OR6C75: variants seen among roughly 807,000 people sequenced by gnomAD.
The protein encoded by OR6C75 is olfactory receptor family 6 subfamily C member 75.
For synonymous variants in OR6C75, 149 were observed against 130.6 expected (o/e 1.14, Z -0.96); for missense variants, 380 against 368.0 (o/e 1.03, Z -0.27).
At position 55,366,104 on chromosome 12, in the gene OR6C75, T is replaced by C. The variant is rs1041449641; in HGVS notation, c.*55T>C. The C allele has an allele frequency of 1.1e-5, 11 of 1,003,664 alleles. No homozygotes were observed. The highest frequency in any genetic ancestry group is 2.9e-6 in the Non-Finnish European group (2 of 684,098). The allele number at this position is 1,003,664 out of a possible 1,614,324, so 62.2% of individuals were successfully genotyped here. ...AGGCAAAGCTGAATGAAAAACTCTCTACCCTTCTCTACATGAACTCTTTCT... is the reference window on the plus strand; with the variant it reads ...AGGCAAAGCTGAATGAAAAACTCTCCACCCTTCTCTACATGAACTCTTTCT... On this transcript the variant is annotated 3_prime_UTR_variant, in exon 3 of 3. Transcript: ENST00000641576.
chr12:55,364,856 T>C lies in OR6C75; in HGVS notation c.-235-20T>C, dbSNP rs1353800785. On this transcript the variant is annotated intron_variant, in intron 2 of 2. Transcript: ENST00000641576. ...TTAAACCCTTTGAAGATATTGAATA[T>C]ATATATATGTATTAAATAGATAGAT... is the stretch of plus-strand genomic sequence containing the variant. 3 of 376,128 alleles carry C rather than the reference T, an allele frequency of 8.0e-6. No homozygotes were observed. The highest frequency in any genetic ancestry group is 8.4e-5 in the Admixed American group (2 of 23,794). 23.3% of individuals were successfully genotyped at this position (376,128 alleles called of 1,614,324 possible).
In OR6C75 at chr12:55,365,173, G is replaced by A; in HGVS notation, c.63G>A (p.Trp21Ter). 1 of 1,613,148 alleles carries A rather than the reference G, an allele frequency of 6.2e-7. No individual in the cohort carries two copies. Among genetic ancestry groups the A allele is most frequent in the Non-Finnish European group, 8.5e-7 (1 of 1,179,606 alleles). ...ILLGLTSDPQ[W>*]QVVLFIFLLV... ...TTGGATTGACAAGTGACCCACAGTGGCAGGTTGTACTTTTCATATTTCTTC... is the reference window on the plus strand; with the variant it reads ...TTGGATTGACAAGTGACCCACAGTGACAGGTTGTACTTTTCATATTTCTTC... The change falls in exon 3 of 3, where the codon TGG becomes TGA. Residue 21 changes from tryptophan to a stop codon, truncating the protein, a stop_gained. Transcript: ENST00000641576. LOFTEE classifies it low-confidence loss of function (END_TRUNC).
In OR6C75 at chr12:55,365,447, C is replaced by G. The variant is rs759047929; in HGVS notation, c.337C>G (p.Leu113Val). The G allele has an allele frequency of 4.3e-6, 7 of 1,613,906 alleles. No individual in the cohort carries two copies. The African/African-American group carries it at 9.3e-5, about 22-fold the overall frequency. The change falls in exon 3 of 3, where the codon CTG (leucine) becomes GTG (valine). Residue 113 changes from leucine (L) to valine (V), a missense_variant. Coordinates refer to ENST00000641576, the MANE Select transcript of OR6C75 (RefSeq NM_001005497.2). Reference sequence around the variant, plus strand: ...CTTGGGGGTGACAGAATTTTACCTTCTGGCTGCCATGTCCTATGACCGCTG... The same window carrying G: ...CTTGGGGGTGACAGAATTTTACCTTGTGGCTGCCATGTCCTATGACCGCTG... ...IFLGVTEFYLLAAMSYDRCMA... is the reference protein window; with the variant it reads ...IFLGVTEFYLVAAMSYDRCMA...
rs976023825 is a variant in OR6C75 at position 55,365,395 on chromosome 12, T to C, written c.285T>C (p.Cys95=). ...TGNRTISYNG[C]VAQLFFFIFL... is the part of the protein sequence containing the mutation. The stretch of plus-strand genomic sequence containing the variant: ...ACAGAACCATTTCTTATAATGGGTG[T>C]GTGGCTCAGCTATTTTTTTTCATCT... Residue 95 remains cysteine (C), a synonymous_variant, in exon 3 of 3, where the codon TGT becomes TGC. Coordinates refer to ENST00000641576, the MANE Select transcript of OR6C75 (RefSeq NM_001005497.2). 6.2e-7 allele frequency: 1 copy of C among 1,614,022 alleles called. No individual in the cohort carries two copies. Among genetic ancestry groups the C allele is most frequent in the African/African-American group, 1.3e-5 (1 of 74,926 alleles).
rs1015369462 is a variant in OR6C75, at chr12:55,367,371, C to T, written c.*1322C>T. The T allele has an allele frequency of 5.3e-5, 8 of 152,158 alleles. No homozygotes were observed. The highest frequency in any genetic ancestry group is 1.9e-4 in the African/African-American group (8 of 41,444). 9.4% of individuals were successfully genotyped at this position (152,158 alleles called of 1,614,324 possible). On this transcript the variant is annotated 3_prime_UTR_variant, in exon 3 of 3. Coordinates refer to ENST00000641576, the MANE Select transcript of OR6C75 (RefSeq NM_001005497.2). ...CATACACGAATCAATAAATGTGATT[C>T]ACCACATAAACAGAACTAAAAACAA...
chr12:55,365,389 T>TG lies in OR6C75; in HGVS notation c.282dup (p.Cys95ValfsTer25). ...CAGGAAACAGAACCATTTCTTATAA[T>TG]GGGTGTGTGGCTCAGCTATTTTTTT... On this transcript the variant is annotated frameshift_variant, in exon 3 of 3. Transcript: ENST00000641576. LOFTEE classifies it low-confidence loss of function (END_TRUNC). 6.2e-7 allele frequency: 1 copy of TG among 1,614,108 alleles called. No individual in the cohort carries two copies. The highest frequency in any genetic ancestry group is 8.5e-7 in the Non-Finnish European group (1 of 1,179,992).
Position 55,368,694 on chromosome 12 carries a change from A to C in OR6C75, c.*2645A>C, listed in dbSNP as rs541797512. On this transcript the variant is annotated 3_prime_UTR_variant, in exon 3 of 3. Transcript: ENST00000641576. ...GGACAGTAGCTATGAATCTGACTAG[A>C]TACAGGATAAATGGATTTTAGTTTG... 14 of 152,344 alleles carry C rather than the reference A, an allele frequency of 9.2e-5. No homozygotes were observed. In the South Asian group the frequency reaches 2.9e-3, roughly 32 times the overall value. The allele number at this position is 152,344 out of a possible 1,614,324, so 9.4% of individuals were successfully genotyped here. A position where few individuals can be genotyped will look rare whatever the true frequency, so the allele number is the denominator to read the frequency against.
chr12:55,363,086 T>C (rs1191486579), intron 1 of OR6C75, 37 bp downstream of exon 1: 1 of 152,174 alleles, frequency 6.6e-6, no homozygotes, highest in Admixed American at 6.6e-5. Context: ...TTGGTGAAAT[T>C]TGGGTTGATG....
In OR6C75 at chr12:55,365,283, A is replaced by T; in HGVS notation, c.173A>T (p.Tyr58Phe). The change falls in exon 3 of 3, where the codon TAT becomes TTT. Residue 58 changes from tyrosine (Y) to phenylalanine (F), a missense_variant. Coordinates refer to ENST00000641576, the MANE Select transcript of OR6C75 (RefSeq NM_001005497.2). ...GATCCCCATCTGCAGACTCCCATGT[A>T]TTTCTTCCTTCGGAACTTCTCATTC... ...LSDPHLQTPM[Y>F]FFLRNFSFLE... The T allele has an allele frequency of 1.2e-6, 2 of 1,613,772 alleles. No homozygotes were observed. Among genetic ancestry groups the T allele is most frequent in the Non-Finnish European group, 1.7e-6 (2 of 1,179,908 alleles).
chr12:55,363,595 GCTCT>G (rs1869718809), intron 1 of OR6C75, among the ~76,000 whole-genome samples, 194 bp from the exon 2 acceptor site: 2 of 152,018 alleles, frequency 1.3e-5, no homozygotes, highest in African/African-American at 4.8e-5. Flanking sequence ...AGAAGGAGAT[GCTCT>G]CTTTTTTTCT....
rs59247539 is a variant in OR6C75, at chr12:55,364,312, C to CTTTTT, written c.-236+456_-236+460dup. ...TTTTTTTTACATTTAGTTTCTTTTC[C>CTTTTT]TTTTTTTTTTTTTTTTTTTTTTTTT... On this transcript the variant is annotated intron_variant, in intron 2 of 2. Transcript: ENST00000641576. Among the ~76,000 whole-genome samples the CTTTTT allele has an allele frequency of 1.6e-3, 27 of 17,166 alleles. 6 individuals carry two copies. Among genetic ancestry groups the CTTTTT allele is most frequent in the Non-Finnish European group, 2.7e-3 (21 of 7,816 alleles). 11.3% of individuals were successfully genotyped at this position (17,166 alleles called of 152,430 possible).
Position 55,368,427 on chromosome 12 carries a change from A to C in OR6C75, c.*2378A>C, listed in dbSNP as rs1869853281. ...AGTCTGAGCAACATGGTGAAACCCCAATCTCTACAAAAAATACAAAAATTA... is the reference window on the plus strand; with the variant it reads ...AGTCTGAGCAACATGGTGAAACCCCCATCTCTACAAAAAATACAAAAATTA... On this transcript the variant is annotated 3_prime_UTR_variant, in exon 3 of 3. Coordinates refer to ENST00000641576, the MANE Select transcript of OR6C75 (RefSeq NM_001005497.2). 6.6e-6 allele frequency: 1 copy of C among 151,886 alleles called. No homozygotes were observed. The highest frequency in any genetic ancestry group is 1.5e-5 in the Non-Finnish European group (1 of 67,952). The allele number at this position is 151,886 out of a possible 1,614,324, so 9.4% of individuals were successfully genotyped here.
Position 55,365,300 on chromosome 12 carries a change from T to G in OR6C75, c.190T>G (p.Phe64Val). ...QTPMYFFLRN[F>V]SFLEISFTSV... is the part of the protein sequence containing the mutation. The stretch of plus-strand genomic sequence containing the variant: ...TCCCATGTATTTCTTCCTTCGGAAC[T>G]TCTCATTCCTGGAAATTTCATTCAC... The change falls in exon 3 of 3, where the codon TTC becomes GTC. Residue 64 changes from phenylalanine (F) to valine (V), a missense_variant. Phe to Val is a conservative substitution (Grantham distance 50). Transcript: ENST00000641576. The G allele has an allele frequency of 6.2e-7, 1 of 1,614,096 alleles. No individual in the cohort carries two copies. The highest frequency in any genetic ancestry group is 8.5e-7 in the Non-Finnish European group (1 of 1,179,992).
At position 55,365,738 on chromosome 12, in the gene OR6C75, A is replaced by T; in HGVS notation, c.628A>T (p.Thr210Ser). The change falls in exon 3 of 3, where the codon ACA becomes TCA. Residue 210 changes from threonine (T) to serine (S), a missense_variant. Coordinates refer to ENST00000641576, the MANE Select transcript of OR6C75 (RefSeq NM_001005497.2). ...TGTGGTAACACTGATGGTCACCTTGACATTAGTTATTCTCTCCTACACAAA... is the reference window on the plus strand; with the variant it reads ...TGTGGTAACACTGATGGTCACCTTGTCATTAGTTATTCTCTCCTACACAAA... ...LAVVTLMVTLTLVILSYTNII... is the reference protein window; with the variant it reads ...LAVVTLMVTLSLVILSYTNII... 1 of 1,614,020 alleles carries T rather than the reference A, an allele frequency of 6.2e-7. No homozygotes were observed. Among genetic ancestry groups the T allele is most frequent in the East Asian group, 2.2e-5 (1 of 44,882 alleles).
chr12:55,367,878 TA>T lies in OR6C75; in HGVS notation c.*1835del, dbSNP rs1175991739. 1 of 151,890 alleles carries T rather than the reference TA, an allele frequency of 6.6e-6. No homozygotes were observed. The highest frequency in any genetic ancestry group is 6.6e-5 in the Admixed American group (1 of 15,248). The allele number at this position is 151,890 out of a possible 1,614,324, so 9.4% of individuals were successfully genotyped here. On this transcript the variant is annotated 3_prime_UTR_variant, in exon 3 of 3. Coordinates refer to ENST00000641576, the MANE Select transcript of OR6C75 (RefSeq NM_001005497.2). ...AATAACATTCAAGCTGAGAACCAAA[TA>T]AAAAACGCAATCTTGGCTGGGTGTG...
chr12:55,367,009 C>T lies in OR6C75; in HGVS notation c.*960C>T, dbSNP rs1644696299. 1 of 152,082 alleles carries T rather than the reference C, an allele frequency of 6.6e-6. No individual in the cohort carries two copies. Among genetic ancestry groups the T allele is most frequent in the Admixed American group, 6.5e-5 (1 of 15,268 alleles). The allele number at this position is 152,082 out of a possible 1,614,324, so 9.4% of individuals were successfully genotyped here. A position where few individuals can be genotyped will look rare whatever the true frequency, so the allele number is the denominator to read the frequency against. On this transcript the variant is annotated 3_prime_UTR_variant, in exon 3 of 3. Coordinates refer to ENST00000641576, the MANE Select transcript of OR6C75 (RefSeq NM_001005497.2). Reference sequence around the variant, plus strand: ...AAGAAAATGACAAAGTAAGAGTCTACAATGGTGTGATACTGCCCTTTTATA... The same window carrying T: ...AAGAAAATGACAAAGTAAGAGTCTATAATGGTGTGATACTGCCCTTTTATA...
At position 55,365,809 on chromosome 12, in the gene OR6C75, A is replaced by G; in HGVS notation, c.699A>G (p.Lys233=). Residue 233 remains lysine (K), a synonymous_variant, in exon 3 of 3, where the codon AAA becomes AAG. Coordinates refer to ENST00000641576, the MANE Select transcript of OR6C75 (RefSeq NM_001005497.2). ...ILKIPSMSQR[K]KAFSTCSSHM... ...AAATTCCTTCTATGAGTCAAAGGAA[A>G]AAAGCCTTTTCCACTTGCTCCTCCC... 5 of 1,613,884 alleles carry G rather than the reference A, an allele frequency of 3.1e-6. No homozygotes were observed. The highest frequency in any genetic ancestry group is 4.2e-6 in the Non-Finnish European group (5 of 1,179,972).
intron 2 of OR6C75, 76 bp downstream of exon 2, chr12:55,363,958 C>CAAT (rs1330935803): frequency 6.8e-6 from 1 of 147,352 alleles, no homozygotes; most frequent in Non-Finnish European, 1.5e-5. Context: ...CAAAAAGCAA[C>CAAT]AATGAAGTTT....
At position 55,365,426 on chromosome 12, in the gene OR6C75, G is replaced by T. The variant is rs760730475; in HGVS notation, c.316G>T (p.Gly106Trp). 6.2e-6 allele frequency: 10 copies of T among 1,613,858 alleles called. 1 individual carries two copies. In the Admixed American group the frequency reaches 1.5e-4, roughly 24 times the overall value. The stretch of plus-strand genomic sequence containing the variant: ...TCAGCTATTTTTTTTCATCTTCTTG[G>T]GGGTGACAGAATTTTACCTTCTGGC... ...VAQLFFFIFLGVTEFYLLAAM... is the reference protein window; with the variant it reads ...VAQLFFFIFLWVTEFYLLAAM... The change falls in exon 3 of 3, where the codon GGG becomes TGG. Residue 106 changes from glycine (G) to tryptophan (W), a missense_variant. By Grantham distance (184) the Gly-to-Trp change is radical (BLOSUM62 -2). Transcript: ENST00000641576.
Sources: gnomAD v4.1 joint callset for allele counts (sites outside exome capture counted in the v4.1 genomes callset) on GRCh38, gnomAD v4.1.1 for gene constraint, MANE v1.5 for transcripts, NCBI Gene and HGNC (gene_info 2026-07-23, HGNC 2026-07-21) for gene names.